The following HACE1 variants were observed in gnomAD, a reference collection of about 807,000 sequenced individuals.
HACE1 encodes the protein HECT domain and ankyrin repeat containing E3 ubiquitin protein ligase 1, also known as E3 ubiquitin-protein ligase HACE1.
Under a neutral mutation model 118.4 loss-of-function variants are expected in HACE1, and 73 were observed. The ratio of observed to expected loss-of-function variants is 0.62; its 90% CI spans 0.51 to 0.75. HACE1 has a LOEUF of 0.75. Among genes scored for constraint, HACE1 ranks in the 30% least tolerant of loss-of-function variants. HACE1 has a pLI of 0.00. For synonymous variants in HACE1, 368 were observed against 374.8 expected (o/e 0.98, Z 0.21); for missense variants, 749 against 1,102.2 (o/e 0.68, Z 4.54).
chr6:104,772,211 G>A (rs2114714998), intron 17 of HACE1, 137 bp from the exon 18 acceptor site: 1 of 577,380 alleles, frequency 1.7e-6, no homozygotes, highest in African/African-American at 1.9e-5. Flanking sequence ...CCAGAGAAAT[G>A]TTCTTTGTGG....
chr6:104,772,816 T>C (rs896671733), intron 17 of HACE1, among the ~76,000 whole-genome samples: 4 of 152,306 alleles, frequency 2.6e-5, no homozygotes, highest in Non-Finnish European at 4.4e-5. Context: ...AATTTATAGA[T>C]AGGTAAAGTA....
At chr6:104,835,553 A>C (rs1774447850) in intron 5 of HACE1, among the ~76,000 whole-genome samples, 1 of 51,612 alleles carries the variant, frequency 1.9e-5, no homozygotes, top group Non-Finnish European at 6.6e-5. Flanking sequence ...AAAAGAAATG[A>C]GAAAAAGTAG....
intron 19 of HACE1, among the ~76,000 whole-genome samples, chr6:104,770,683 C>T (rs944416256): frequency 2.6e-5 from 4 of 152,156 alleles, no homozygotes; most frequent in African/African-American, 7.2e-5. Context: ...CATACCACTG[C>T]GCTCCAGCCT....
chr6:104,759,978 A>G (rs1779160760), intron 19 of HACE1, among the ~76,000 whole-genome samples: 1 of 152,164 alleles, frequency 6.6e-6, no homozygotes, highest in Non-Finnish European at 1.5e-5. Context: ...AGACACATAC[A>G]CCATCCCAAG....
At chr6:104,856,506 C>T (rs939586103) in intron 1 of HACE1, among the ~76,000 whole-genome samples, 8 of 151,932 alleles carry the variant, frequency 5.3e-5, no homozygotes, top group African/African-American at 1.9e-4. Flanking sequence ...GCGATCTTGG[C>T]TCACTGCAAC....
chr6:104,781,514 C>T (rs1781742148), intron 14 of HACE1, among the ~76,000 whole-genome samples: 1 of 152,184 alleles, frequency 6.6e-6, no homozygotes, highest in Non-Finnish European at 1.5e-5. Flanking sequence ...AAACTAAATT[C>T]AAACTGGTAA....
In HACE1 at chr6:104,859,626, TC is replaced by T; in HGVS notation, c.16del (p.Glu6SerfsTer6). The T allele has an allele frequency of 1.3e-6, 2 of 1,533,126 alleles. No homozygotes were observed. The highest frequency in any genetic ancestry group is 1.4e-5 in the African/African-American group (1 of 70,800). 95.0% of individuals were successfully genotyped at this position (1,533,126 alleles called of 1,614,324 possible). On this transcript the variant is annotated frameshift_variant, in exon 1 of 24. Coordinates refer to ENST00000262903, the MANE Select transcript of HACE1 (RefSeq NM_020771.4). LOFTEE classifies it high-confidence loss of function. The stretch of plus-strand genomic sequence containing the variant: ...CGAGCGCGTCAGGCGGTTGAGTTGC[TC>T]CATCGCTCTCTCCATCCTCGGCGCG... Reference protein sequence around the residue: MERAMEQLNRLTRSLR... With the variant: MERAMXQLNRLTRSLR...
At chr6:104,827,630 T>C (rs1249065372) in intron 6 of HACE1, among the ~76,000 whole-genome samples, 1 of 152,168 alleles carries the variant, frequency 6.6e-6, no homozygotes, top group Non-Finnish European at 1.5e-5. Flanking sequence ...CCTAGGAATA[T>C]ACTCTGAAAT....
At chr6:104,777,181 A>C (rs778857086) in intron 15 of HACE1, 25 bp downstream of exon 15, 1 of 1,560,334 alleles carries the variant, frequency 6.4e-7, no homozygotes, top group Non-Finnish European at 8.8e-7. Flanking sequence ...CTTCACACAT[A>C]TATCAGTTTC....
chr6:104,772,959 T>C (rs1483412960), intron 17 of HACE1, among the ~76,000 whole-genome samples: 1 of 152,042 alleles, frequency 6.6e-6, no homozygotes, highest in Non-Finnish European at 1.5e-5. Context: ...ACTGTGAATG[T>C]ACTTAAATGC....
intron 7 of HACE1, among the ~76,000 whole-genome samples, chr6:104,803,708 C>T (rs995717097): frequency 6.6e-6 from 1 of 152,076 alleles, no homozygotes; most frequent in Non-Finnish European, 1.5e-5. Context: ...ATTGATGGAA[C>T]GTATCTCAAA....
chr6:104,795,048 A>G (rs1783466223), intron 10 of HACE1, among the ~76,000 whole-genome samples: 2 of 152,182 alleles, frequency 1.3e-5, no homozygotes, highest in Admixed American at 1.3e-4. Flanking sequence ...AAAGAAGTGT[A>G]GCTACAGGAA....
chr6:104,764,876 A>G (rs1485805779), intron 19 of HACE1, among the ~76,000 whole-genome samples: 4 of 152,212 alleles, frequency 2.6e-5, no homozygotes, highest in African/African-American at 9.6e-5. Context: ...CCATCACTGA[A>G]CATAGTTGCA....
chr6:104,764,156 C>A (rs978812426), intron 19 of HACE1, among the ~76,000 whole-genome samples: 1 of 152,164 alleles, frequency 6.6e-6, no homozygotes, highest in Non-Finnish European at 1.5e-5. Context: ...TGGTTCACTG[C>A]AACCTCCACT....
chr6:104,776,482 T>C (rs1307358035), intron 17 of HACE1, among the ~76,000 whole-genome samples: 1 of 152,358 alleles, frequency 6.6e-6, no homozygotes, highest in Admixed American at 6.5e-5. Context: ...GGGCCAACAC[T>C]AGTCCTTGAG....
chr6:104,737,876 G>A (rs1295504583), intron 22 of HACE1, among the ~76,000 whole-genome samples: 1 of 152,210 alleles, frequency 6.6e-6, no homozygotes, highest in African/African-American at 2.4e-5. Context: ...CTGGGGGCAG[G>A]GCACAGACAA....
chr6:104,760,990 G>A (rs535636692), intron 19 of HACE1, among the ~76,000 whole-genome samples: 1 of 152,200 alleles, frequency 6.6e-6, no homozygotes, highest in African/African-American at 2.4e-5. Flanking sequence ...CAACTTACAA[G>A]GGATGTGAAG....
intron 22 of HACE1, among the ~76,000 whole-genome samples, chr6:104,736,121 A>C (rs1267308488): frequency 6.6e-6 from 1 of 151,808 alleles, no homozygotes; most frequent in Non-Finnish European, 1.5e-5. Flanking sequence ...ACTTTCTTAC[A>C]TAAAAAATAT....
chr6:104,769,598 ATCT>A (rs1281182425), intron 19 of HACE1, among the ~76,000 whole-genome samples: 2 of 152,224 alleles, frequency 1.3e-5, no homozygotes, highest in African/African-American at 4.8e-5. Flanking sequence ...AACTATTATA[ATCT>A]TCTAGAGCTT....
Sources: allele counts gnomAD v4.1 joint callset (sites outside exome capture counted in the v4.1 genomes callset), GRCh38; gene constraint gnomAD v4.1.1; transcripts MANE v1.5; gene names NCBI Gene and HGNC (gene_info 2026-07-23, HGNC 2026-07-21).